The following PHKA1 variants were observed in gnomAD, a reference collection of about 807,000 sequenced individuals.
PHKA1 encodes the protein phosphorylase b kinase regulatory subunit alpha, skeletal muscle isoform.
PHKA1 carries 60 observed loss-of-function variants against 110.2 expected under a neutral mutation model. The observed-to-expected ratio is 0.54, with a 90% CI of 0.44 to 0.68. PHKA1 has a LOEUF of 0.68. PHKA1 is among the 30% of genes least tolerant of loss of function. PHKA1 has a pLI of 0.00. For synonymous variants in PHKA1, 316 were observed against 333.6 expected (o/e 0.95, Z 0.58); for missense variants, 801 against 942.5 (o/e 0.85, Z 1.97).
At chrX:72,678,775 A>G (rs1444097469) in intron 5 of PHKA1, among the ~76,000 whole-genome samples, 2 of 112,453 alleles carry the variant, frequency 1.8e-5, no homozygotes, top group African/African-American at 6.5e-5. Context: ...AATGAACACT[A>G]CACAATGAAG....
At chrX:72,605,447 A>G (rs190530728) in intron 24 of PHKA1, 47 bp from the exon 25 acceptor site, 1 of 1,186,647 alleles carries the variant, frequency 8.4e-7, no homozygotes, top group East Asian at 3.0e-5. Flanking sequence ...TAGGTCTCAC[A>G]ATGCCTATTT....
intron 29 of PHKA1, among the ~76,000 whole-genome samples, chrX:72,584,849 C>T (rs1441938588): frequency 9.4e-6 from 1 of 106,872 alleles, no homozygotes; most frequent in African/African-American, 3.4e-5. Flanking sequence ...TGTGCTGTAC[C>T]CGTTAACTCG....
At chrX:72,713,742 G>T in intron 1 of PHKA1, 61 bp downstream of exon 1, 1 of 936,601 alleles carries the variant, frequency 1.1e-6, no homozygotes, top group Non-Finnish European at 1.5e-6. Flanking sequence ...CAAGGTCTCC[G>T]TCCAAGCTAT....
Position 72,620,738 on chromosome X carries a change from T to G in PHKA1, c.2124A>C (p.Glu708Asp). Residue 708 changes from glutamate to aspartate, a missense_variant, in exon 19 of 32, where the codon GAA becomes GAC. Around this residue, in one of 2 missense-constraint regions of PHKA1, gnomAD observed 502 missense variants for 519.2 expected, o/e 0.97. Transcript: ENST00000373542. ...DLMSLVTKAK[E>D]LHVQNVHMYL... is the part of the protein sequence containing the mutation. Reference sequence around the variant, plus strand: ...GGCATTACTCACTCTGTACATGCAGTTCCTTGGCCTTGGTCACCAAGGACA... The same window carrying G: ...GGCATTACTCACTCTGTACATGCAGGTCCTTGGCCTTGGTCACCAAGGACA... 8.3e-7 allele frequency: 1 copy of G among 1,207,820 alleles called. No homozygotes were observed. The highest frequency in any genetic ancestry group is 1.7e-5 in the African/African-American group (1 of 57,571).
At chrX:72,671,368 C>G (rs1603267733) in intron 6 of PHKA1, among the ~76,000 whole-genome samples, 1 of 110,740 alleles carries the variant, frequency 9.0e-6, no homozygotes, top group South Asian at 3.9e-4. Flanking sequence ...ACCTAGGAAT[C>G]CAACTTACAA....
At chrX:72,683,298 TGTG>T in intron 5 of PHKA1, among the ~76,000 whole-genome samples, 1 of 111,188 alleles carries the variant, frequency 9.0e-6, no homozygotes, top group South Asian at 3.8e-4. Context: ...ATTAGCTGGA[TGTG>T]GTGGCGTATA....
Position 72,695,732 on chromosome X carries a change from A to C in PHKA1, c.430T>G (p.Phe144Val), listed in dbSNP as rs782285281. The C allele has an allele frequency of 3.2e-5, 39 of 1,207,893 alleles. No individual in the cohort carries two copies. In the Admixed American group the frequency reaches 8.5e-4, roughly 26 times the overall value. ...QLDATSVYLL[F>V]LAQMTASGLH... The stretch of plus-strand genomic sequence containing the variant: ...CCTGAGGCAGTCATTTGGGCTAAGA[A>C]GAGCAGGTACACAGAGGTAGCATCC... The change falls in exon 4 of 32, where the codon TTC becomes GTC. Residue 144 changes from phenylalanine to valine, a missense_variant. Transcript: ENST00000373542.
At chrX:72,640,361 T>C (rs958111203) in intron 14 of PHKA1, among the ~76,000 whole-genome samples, 18 of 111,047 alleles carry the variant, frequency 1.6e-4, no homozygotes, top group African/African-American at 5.9e-4. Context: ...CAAAAGAATA[T>C]AAGGAGACGA....
At chrX:72,680,746 A>AGCC (rs2053842218) in intron 5 of PHKA1, among the ~76,000 whole-genome samples, 1 of 95,395 alleles carries the variant, frequency 1.0e-5, no homozygotes, top group East Asian at 3.6e-4. Context: ...GACCGACCGC[A>AGCC]GCCGCCGCCG....
At position 72,637,638 on chromosome X, in the gene PHKA1, A is replaced by G. The variant is rs782457405; in HGVS notation, c.1460-1252T>C. Among the ~76,000 whole-genome samples the G allele has an allele frequency of 2.2e-3, 249 of 112,253 alleles. 1 individual carries two copies. The highest frequency in any genetic ancestry group is 4.1e-3 in the Non-Finnish European group (217 of 53,183). On this transcript the variant is annotated intron_variant, in intron 14 of 31. Transcript: ENST00000373542. ...TTGAGGGACTGCCATACTGTTTTCC[A>G]TAGGGGCTGACACATTTTACATTCC... is the stretch of plus-strand genomic sequence containing the variant.
At position 72,602,170 on chromosome X, in the gene PHKA1, A is replaced by G; in HGVS notation, c.3021T>C (p.Ser1007=). 8.4e-7 allele frequency: 1 copy of G among 1,189,680 alleles called. No homozygotes were observed. Among genetic ancestry groups the G allele is most frequent in the Non-Finnish European group, 1.1e-6 (1 of 876,215 alleles). The stretch of plus-strand genomic sequence containing the variant: ...GGTAGTATCTTACCTGCTTTATCTC[A>G]CTTTTTAACTGCATGATCCCAGTTC... The part of the protein sequence containing the change: ...TERTGIMQLK[S]EIKQVEFRRL... The change falls in exon 27 of 32, where the codon AGT becomes AGC. Residue 1007 remains serine (S), a synonymous_variant. Transcript: ENST00000373542.
intron 14 of PHKA1, 60 bp from the exon 15 acceptor site, chrX:72,636,446 A>G (rs1395603062): frequency 8.0e-6 from 5 of 627,317 alleles, no homozygotes; most frequent in Non-Finnish European, 1.4e-5. Flanking sequence ...ATCAGCAAAC[A>G]TTTTTACATA....
intron 2 of PHKA1, among the ~76,000 whole-genome samples, chrX:72,708,882 T>C (rs1184876187): frequency 8.9e-6 from 1 of 112,061 alleles, no homozygotes; most frequent in East Asian, 2.8e-4. Flanking sequence ...CAAACTTAGT[T>C]GGCCTAGTAT....
rs1458174070 is a variant in PHKA1 at position 72,635,187 on chromosome X, G to A, written c.1682C>T (p.Thr561Ile). Residue 561 changes from threonine to isoleucine, a missense_variant, in exon 16 of 32, where the codon ACC becomes ATC. By Grantham distance (89) the Thr-to-Ile change is moderately conservative. Coordinates refer to ENST00000373542, the MANE Select transcript of PHKA1 (RefSeq NM_002637.4). Reference sequence around the variant, plus strand: ...GCTGTGTGAGATGGGGAAGGTGATGGTGGGCTGGCCTGTCATCCGCCAGCG... The same window carrying A: ...GCTGTGTGAGATGGGGAAGGTGATGATGGGCTGGCCTGTCATCCGCCAGCG... ...CSRWRMTGQP[T>I]ITFPISHSML... 1 of 1,210,305 alleles carries A rather than the reference G, an allele frequency of 8.3e-7. No individual in the cohort carries two copies. The highest frequency in any genetic ancestry group is 1.1e-6 in the Non-Finnish European group (1 of 895,255).
chrX:72,611,198 G>A lies in PHKA1; in HGVS notation c.2370-14C>T, dbSNP rs782784720. ...CAGTCAGGTCCTCTAGAATTTTAAC[G>A]ACAGGACTACATCAGTTTTAAGTAA... On this transcript the variant is annotated splice_polypyrimidine_tract_variant and intron_variant, in intron 21 of 31. Coordinates refer to ENST00000373542, the MANE Select transcript of PHKA1 (RefSeq NM_002637.4). The A allele has an allele frequency of 1.2e-4, 136 of 1,172,377 alleles. No homozygotes were observed. The South Asian group carries it at 1.6e-3, about 14-fold the overall frequency.
At chrX:72,585,385 G>A (rs1284499308) in intron 29 of PHKA1, among the ~76,000 whole-genome samples, 3 of 111,979 alleles carry the variant, frequency 2.7e-5, no homozygotes, top group African/African-American at 6.5e-5. Context: ...GAAATGGCAA[G>A]TGTGCAATTT....
intron 6 of PHKA1, among the ~76,000 whole-genome samples, chrX:72,673,521 TGA>T (rs1480613105): frequency 1.8e-5 from 2 of 111,396 alleles, no homozygotes; most frequent in Non-Finnish European, 3.8e-5. Context: ...ATCCAGGTAG[TGA>T]GAGTTTGAGA....
At chrX:72,689,185 T>C (rs782718455) in intron 4 of PHKA1, among the ~76,000 whole-genome samples, 6 of 112,212 alleles carry the variant, frequency 5.3e-5, no homozygotes, top group Non-Finnish European at 1.1e-4. Context: ...TATTGAGATA[T>C]GTAAAAAGCA....
At chrX:72,637,116 A>G (rs1395483205) in intron 14 of PHKA1, among the ~76,000 whole-genome samples, 2 of 112,056 alleles carry the variant, frequency 1.8e-5, no homozygotes, top group Non-Finnish European at 3.8e-5. Flanking sequence ...GGCATTAAGT[A>G]CATTTACATC....
Sources: gnomAD v4.1 joint callset for allele counts (sites outside exome capture counted in the v4.1 genomes callset) on GRCh38, gnomAD v4.1.1 for gene constraint, gnomAD v4.1.1 regional missense constraint, MANE v1.5 for transcripts, NCBI Gene and HGNC (gene_info 2026-07-23, HGNC 2026-07-21) for gene names.